GABRG1: variants seen among roughly 807,000 people sequenced by gnomAD.
GABRG1 encodes gamma-aminobutyric acid type A receptor subunit gamma1, also known as gamma-aminobutyric acid receptor subunit gamma-1.
Under a neutral mutation model 49.8 loss-of-function variants are expected in GABRG1, and 49 were observed. The ratio of observed to expected loss-of-function variants is 0.98; its 90% CI spans 0.78 to 1.25. The LOEUF (loss-of-function observed/expected upper bound fraction) is 1.25, where lower values mean the gene tolerates loss of function less well. GABRG1 is among the 50% of genes most tolerant of loss of function. The probability of loss-of-function intolerance (pLI) is 0.00; values close to 1 mark genes in which losing one functional copy is unlikely to be tolerated. For missense variants in GABRG1, 552 were observed against 552.3 expected (o/e 1.00, Z 0.01); for synonymous variants, 232 against 185.1 (o/e 1.25, Z -2.06).
intron 2 of GABRG1, 118 bp from the exon 3 acceptor site, chr4:46,084,171 A>T (rs1181151251): frequency 4.9e-6 from 3 of 610,316 alleles, no homozygotes. Context: ...ATCATAAAAC[A>T]TCTTTTATTA....
At chr4:46,107,856 A>G (rs1039250985) in intron 1 of GABRG1, among the ~76,000 whole-genome samples, 2 of 151,216 alleles carry the variant, frequency 1.3e-5, no homozygotes, top group African/African-American at 4.8e-5. Context: ...TTATCAGAAT[A>G]CTATTCTACA....
intron 7 of GABRG1, among the ~76,000 whole-genome samples, chr4:46,056,352 C>T (rs958613279): frequency 1.3e-5 from 2 of 151,982 alleles, no homozygotes; most frequent in African/African-American, 4.8e-5. Context: ...GCAGGAAGAT[C>T]TGGCTTCAAA....
rs1364998803 is a variant in GABRG1 at position 46,097,354 on chromosome 4, A to G, written c.105-5T>C. 2.5e-6 allele frequency: 4 copies of G among 1,599,154 alleles called. No individual in the cohort carries two copies. Among genetic ancestry groups the G allele is most frequent in the Non-Finnish European group, 3.4e-6 (4 of 1,173,954 alleles). ...TCATCATCTGCCTTATCAACACTAAATAATTCAAAGAAAAAAATGGATGGT... is the reference window on the plus strand; with the variant it reads ...TCATCATCTGCCTTATCAACACTAAGTAATTCAAAGAAAAAAATGGATGGT... On this transcript the variant is annotated splice_polypyrimidine_tract_variant and splice_region_variant and intron_variant, in intron 1 of 8. Transcript: ENST00000295452.
At chr4:46,080,965 TAAA>T (rs1349671200) in intron 3 of GABRG1, among the ~76,000 whole-genome samples, 15 of 151,848 alleles carry the variant, frequency 9.9e-5, no homozygotes, top group Admixed American at 9.2e-4. Context: ...ACGTGTATAT[TAAA>T]AGTTTTCTGT....
chr4:46,092,506 A>C (rs780966104), intron 2 of GABRG1, among the ~76,000 whole-genome samples: 2 of 152,162 alleles, frequency 1.3e-5, no homozygotes, highest in Non-Finnish European at 2.9e-5. Flanking sequence ...AATTCAAAAA[A>C]GGAAAGAATA....
At chr4:46,048,299 A>G (rs1020353523) in intron 8 of GABRG1, among the ~76,000 whole-genome samples, 3 of 151,874 alleles carry the variant, frequency 2.0e-5, no homozygotes, top group African/African-American at 7.2e-5. Flanking sequence ...TTGGATGGGC[A>G]TATGAAACAA....
intron 3 of GABRG1, 120 bp downstream of exon 3, chr4:46,083,866 C>T: frequency 1.5e-6 from 1 of 679,358 alleles, no homozygotes. Context: ...AGTAATTGTA[C>T]ATGTTGATCT....
Position 46,040,994 on chromosome 4 carries a change from G to A in GABRG1, c.1392C>T (p.Tyr464=). 1 of 1,609,440 alleles carries A rather than the reference G, an allele frequency of 6.2e-7. No individual in the cohort carries two copies. Residue 464 remains tyrosine, a synonymous_variant, in exon 9 of 9, where the codon TAC becomes TAT. Transcript: ENST00000295452. ...FNLVYWVGYL[Y]L ...TTTGCTTATGAAGTAGATTTTATAA[G>A]TAAAGATAGCCAACCCAATAAACCA... is the stretch of plus-strand genomic sequence containing the variant.
chr4:46,051,937 A>G (rs1257092467), intron 7 of GABRG1, among the ~76,000 whole-genome samples: 1 of 151,766 alleles, frequency 6.6e-6, no homozygotes, highest in Non-Finnish European at 1.5e-5. Flanking sequence ...ACTGCCCAGA[A>G]CAACTTTATT....
In GABRG1 at chr4:46,071,124, A is replaced by C. The variant is rs1276935909; in HGVS notation, c.322-5540T>G. Among the ~76,000 whole-genome samples the C allele has an allele frequency of 2.0e-5, 3 of 152,054 alleles. No homozygotes were observed. In the East Asian group the frequency reaches 5.8e-4, roughly 29 times the overall value. ...CTTACGTCTTTCTGGTGATGCTGAT[A>C]TAAACAAACCTATTATGCTGCCAGT... On this transcript the variant is annotated intron_variant, in intron 3 of 8. Transcript: ENST00000295452.
chr4:46,066,651 T>A (rs1718930533), intron 3 of GABRG1, among the ~76,000 whole-genome samples: 1 of 152,102 alleles, frequency 6.6e-6, no homozygotes, highest in African/African-American at 2.4e-5. Flanking sequence ...AGCAAAGCCT[T>A]TGTCCATAGT....
Position 46,039,086 on chromosome 4 carries a change from G to A in GABRG1, c.*1902C>T, listed in dbSNP as rs1717654513. On this transcript the variant is annotated 3_prime_UTR_variant, in exon 9 of 9. Coordinates refer to ENST00000295452, the MANE Select transcript of GABRG1 (RefSeq NM_173536.4). ...ATGAAAATAGCCATACAATATTTTA[G>A]TAAAGTATTTTATTCTTTATTACTA... 6.9e-6 allele frequency: 1 copy of A among 144,820 alleles called. No homozygotes were observed. Among genetic ancestry groups the A allele is most frequent in the Non-Finnish European group, 1.6e-5 (1 of 64,502 alleles). 9.0% of individuals were successfully genotyped at this position (144,820 alleles called of 1,614,324 possible).
At chr4:46,058,087 G>A (rs1025229914) in intron 7 of GABRG1, 130 bp downstream of exon 7, 14 of 740,592 alleles carry the variant, frequency 1.9e-5, no homozygotes, top group Non-Finnish European at 2.7e-5. Context: ...TTGTCCCTTA[G>A]TTCCTGTCAA....
In GABRG1 at chr4:46,041,037, G is replaced by A. The variant is rs1717753072; in HGVS notation, c.1349C>T (p.Ala450Val). ...ATAAACCAAGTTGAACAGGGCAAAA[G>A]CGGTTGGGAAAAATATTCTAGAATA... ...DSYSRIFFPT[A>V]FALFNLVYWV... The change falls in exon 9 of 9, where the codon GCT (alanine) becomes GTT (valine). Residue 450 changes from alanine to valine, a missense_variant. By Grantham distance (64) the Ala-to-Val change is moderately conservative (BLOSUM62 0). Coordinates refer to ENST00000295452, the MANE Select transcript of GABRG1 (RefSeq NM_173536.4). 3.1e-6 allele frequency: 5 copies of A among 1,612,728 alleles called. No individual in the cohort carries two copies. The highest frequency in any genetic ancestry group is 2.7e-5 in the African/African-American group (2 of 74,848).
At chr4:46,084,744 C>T (rs1192427148) in intron 2 of GABRG1, among the ~76,000 whole-genome samples, 3 of 151,420 alleles carry the variant, frequency 2.0e-5, no homozygotes, top group Non-Finnish European at 4.4e-5. Context: ...GTTTCTAGAC[C>T]TACACAATAC....
chr4:46,114,839 A>T (rs1323595974), intron 1 of GABRG1, among the ~76,000 whole-genome samples: 1 of 151,060 alleles, frequency 6.6e-6, no homozygotes, highest in East Asian at 1.9e-4. Flanking sequence ...CAAAAATAAA[A>T]ACAGAAGAAA....
chr4:46,069,111 C>T (rs1466338018), intron 3 of GABRG1, among the ~76,000 whole-genome samples: 1 of 152,068 alleles, frequency 6.6e-6, no homozygotes, highest in Non-Finnish European at 1.5e-5. Flanking sequence ...CTGTATCTCA[C>T]ATTTCAAATT....
At chr4:46,045,603 GAAAAGA>G (rs1285420711) in intron 8 of GABRG1, among the ~76,000 whole-genome samples, 1 of 110,162 alleles carries the variant, frequency 9.1e-6, no homozygotes, top group Non-Finnish European at 1.9e-5. Context: ...AGTTTCTTAA[GAAAAGA>G]AAAAAAGTTT....
In GABRG1 at chr4:46,065,371, T is replaced by C. The variant is rs374799302; in HGVS notation, c.535A>G (p.Thr179Ala). Residue 179 changes from threonine to alanine, a missense_variant, in exon 4 of 9, where the codon ACT becomes GCT. Thr to Ala is a moderately conservative substitution (Grantham distance 58). Transcript: ENST00000295452. ...TTTTTAAACCAATATTACCTTAGAGTATACAGAACTCGTCCATCATTCCAA... is the reference window on the plus strand; with the variant it reads ...TTTTTAAACCAATATTACCTTAGAGCATACAGAACTCGTCCATCATTCCAA... ...RIWNDGRVLY[T>A]LRLTINAECY... 9.6e-5 allele frequency: 151 copies of C among 1,575,752 alleles called. 3 individuals are homozygous for C. Among genetic ancestry groups the C allele is most frequent in the South Asian group, 8.6e-4 (78 of 90,176 alleles).
Sources: allele counts gnomAD v4.1 joint callset (sites outside exome capture counted in the v4.1 genomes callset), GRCh38; gene constraint gnomAD v4.1.1; transcripts MANE v1.5; gene names NCBI Gene and HGNC (gene_info 2026-07-23, HGNC 2026-07-21).